Variants in CPEB3 observed in about 807,000 individuals in gnomAD.
The protein encoded by CPEB3 is cytoplasmic polyadenylation element-binding protein 3.
In CPEB3, 20 loss-of-function variants were observed where a neutral mutation model predicts 67.2. The ratio of observed to expected loss-of-function variants is 0.30; its 90% CI spans 0.21 to 0.43. The LOEUF is 0.43. Among genes scored for constraint, CPEB3 ranks in the 20% least tolerant of loss-of-function variants. The pLI, the probability that CPEB3 is intolerant of heterozygous loss-of-function variation, is 1.00. For synonymous variants in CPEB3, 376 were observed against 393.1 expected (o/e 0.96, Z 0.51); for missense variants, 746 against 968.6 (o/e 0.77, Z 3.05).
chr10:92,135,687 T>G (rs1262266687), intron 6 of CPEB3, among the ~76,000 whole-genome samples: 1 of 152,184 alleles, frequency 6.6e-6, no homozygotes, highest in Non-Finnish European at 1.5e-5. Flanking sequence ...TTATAAATCA[T>G]GCTACTATAA....
At chr10:92,183,567 T>C (rs533894077) in intron 3 of CPEB3, among the ~76,000 whole-genome samples, 7 of 152,230 alleles carry the variant, frequency 4.6e-5, no homozygotes, top group Non-Finnish European at 8.8e-5. Flanking sequence ...GAAAACTATA[T>C]GTGATTTACT....
At chr10:92,191,728 A>G (rs1045655885) in intron 3 of CPEB3, among the ~76,000 whole-genome samples, 5 of 152,252 alleles carry the variant, frequency 3.3e-5, no homozygotes, top group Admixed American at 6.5e-5. Context: ...TAACCCAAGT[A>G]TAATGGATAT....
intron 2 of CPEB3, among the ~76,000 whole-genome samples, chr10:92,196,663 G>A (rs1849249764): frequency 6.6e-6 from 1 of 152,012 alleles, no homozygotes; most frequent in Non-Finnish European, 1.5e-5. Flanking sequence ...AACTACTCGG[G>A]AGGCTGAGGC....
chr10:92,264,715 C>CAAAA (rs773984330), intron 1 of CPEB3, among the ~76,000 whole-genome samples: 1 of 58,786 alleles, frequency 1.7e-5, no homozygotes, highest in Non-Finnish European at 3.6e-5. Flanking sequence ...GACTCCGTCT[C>CAAAA]AAAAAAAAAA....
At chr10:92,232,615 G>A (rs957924881) in intron 2 of CPEB3, among the ~76,000 whole-genome samples, 11 of 151,696 alleles carry the variant, frequency 7.3e-5, no homozygotes, top group African/African-American at 1.2e-4. Flanking sequence ...AAAATTAGCC[G>A]GGCATGGTGG....
intron 1 of CPEB3, among the ~76,000 whole-genome samples, chr10:92,282,427 C>A (rs760675364): frequency 2.6e-5 from 4 of 152,138 alleles, no homozygotes; most frequent in Non-Finnish European, 2.9e-5. Context: ...CAGTGGCTCA[C>A]GCCTGTAATC....
At chr10:92,092,455 T>C (rs981473071) in intron 7 of CPEB3, among the ~76,000 whole-genome samples, 8 of 152,262 alleles carry the variant, frequency 5.3e-5, no homozygotes, top group South Asian at 4.1e-4. Flanking sequence ...CAAGTTAGCA[T>C]AGAATTACCA....
At chr10:92,157,605 A>G (rs1847267242) in intron 4 of CPEB3, among the ~76,000 whole-genome samples, 1 of 152,176 alleles carries the variant, frequency 6.6e-6, no homozygotes, top group South Asian at 2.1e-4. Context: ...AGCTTCATTT[A>G]CTTCCGGGGT....
intron 2 of CPEB3, among the ~76,000 whole-genome samples, chr10:92,203,953 C>T (rs1407968127): frequency 6.6e-6 from 1 of 152,142 alleles, no homozygotes; most frequent in South Asian, 2.1e-4. Flanking sequence ...TCTCCAGGAA[C>T]CTATAAGCAA....
At chr10:92,112,534 G>A (rs1453709037) in intron 6 of CPEB3, among the ~76,000 whole-genome samples, 1 of 152,176 alleles carries the variant, frequency 6.6e-6, no homozygotes, top group African/African-American at 2.4e-5. Flanking sequence ...GGAGATAAGT[G>A]GGGACAAAAT....
chr10:92,052,550 C>T (rs1165417988), intron 9 of CPEB3, 111 bp from the exon 10 acceptor site: 2 of 861,418 alleles, frequency 2.3e-6, no homozygotes, highest in Non-Finnish European at 3.6e-6. Flanking sequence ...TCAGACGCTG[C>T]TTTCAACTCT....
chr10:92,273,831 G>A (rs1019787588), intron 1 of CPEB3, among the ~76,000 whole-genome samples: 4 of 152,172 alleles, frequency 2.6e-5, no homozygotes, highest in African/African-American at 9.7e-5. Context: ...AGGAAAGGCT[G>A]ACACTTTTCC....
chr10:92,267,659 G>A lies in CPEB3; in HGVS notation c.-12+23267C>T, dbSNP rs189240535. Among the ~76,000 whole-genome samples, 161 of 152,268 alleles carry A rather than the reference G, an allele frequency of 1.1e-3. 1 individual carries two copies. Among genetic ancestry groups the A allele is most frequent in the African/African-American group, 3.9e-3 (161 of 41,544 alleles). ...GATTGGTTATTATATTATCCAGGCA[G>A]GTAAGGATGAGTGTGATGATGGTGG... is the stretch of plus-strand genomic sequence containing the variant. On this transcript the variant is annotated intron_variant, in intron 1 of 9. Coordinates refer to ENST00000265997, the MANE Select transcript of CPEB3 (RefSeq NM_014912.5).
intron 1 of CPEB3, among the ~76,000 whole-genome samples, chr10:92,259,601 CAAA>C (rs34744393): frequency 2.1e-5 from 3 of 143,900 alleles, no homozygotes; most frequent in Non-Finnish European, 1.5e-5. Flanking sequence ...AATTCCATCT[CAAA>C]AAAAAAAAAA....
intron 9 of CPEB3, among the ~76,000 whole-genome samples, chr10:92,075,907 G>A (rs970006849): frequency 3.9e-5 from 6 of 152,180 alleles, no homozygotes; most frequent in Admixed American, 1.3e-4. Context: ...AGATAAAGGA[G>A]ATATACCAGT....
chr10:92,107,221 C>T (rs905045505), intron 7 of CPEB3, among the ~76,000 whole-genome samples: 1 of 152,232 alleles, frequency 6.6e-6, no homozygotes, highest in Non-Finnish European at 1.5e-5. Flanking sequence ...TGGATGACCA[C>T]ATTACCTGAG....
intron 1 of CPEB3, among the ~76,000 whole-genome samples, chr10:92,281,261 G>C (rs1005525164): frequency 1.3e-5 from 2 of 151,266 alleles, no homozygotes; most frequent in Non-Finnish European, 3.0e-5. Flanking sequence ...TTGGGCGGGG[G>C]TGCAGGAGGG....
intron 7 of CPEB3, among the ~76,000 whole-genome samples, chr10:92,104,178 A>G (rs1191532832): frequency 3.3e-5 from 5 of 152,228 alleles, no homozygotes; most frequent in Admixed American, 3.3e-4. Flanking sequence ...ATGGATATAC[A>G]ATGCACAAAG....
intron 1 of CPEB3, chr10:92,272,115 CT>C (rs1165380561): frequency 9.2e-5 from 14 of 152,148 alleles, no homozygotes; most frequent in Middle Eastern, 3.4e-3. Flanking sequence ...CTTCCAGTTG[CT>C]CCTGGGTTAA....
Sources: allele counts gnomAD v4.1 joint callset (sites outside exome capture counted in the v4.1 genomes callset), GRCh38; gene constraint gnomAD v4.1.1; transcripts MANE v1.5; gene names NCBI Gene and HGNC (gene_info 2026-07-23, HGNC 2026-07-21).